RGS7: variants seen among roughly 807,000 people sequenced by gnomAD.
The protein encoded by RGS7 is regulator of G-protein signaling 7.
In RGS7, 27 loss-of-function variants were observed where a neutral mutation model predicts 81.1. The observed-to-expected ratio is 0.33, with a 90% confidence interval of 0.25 to 0.46. The LOEUF (loss-of-function observed/expected upper bound fraction) is 0.46. Ranked by LOEUF, RGS7 falls within the 20% of genes least tolerant of loss-of-function variation. The pLI is 1.00. For missense variants in RGS7, 396 were observed against 607.4 expected (o/e 0.65, Z 3.66); for synonymous variants, 208 against 207.7 (o/e 1.00, Z -0.01).
At position 240,934,050 on chromosome 1, in the gene RGS7, G is replaced by A. The variant is rs530030050; in HGVS notation, c.333+2550C>T. On this transcript the variant is annotated intron_variant, in intron 5 of 18. Coordinates refer to ENST00000440928, the MANE Select transcript of RGS7 (RefSeq NM_001364886.1). The stretch of plus-strand genomic sequence containing the variant: ...ACCATCTTGGCTCACTGCAACCTTC[G>A]CCTCCTGGGTTCAAGCAATTCTCCT... Among the ~76,000 whole-genome samples, 38 of 152,128 alleles carry A rather than the reference G, an allele frequency of 2.5e-4. No individual in the cohort carries two copies. The South Asian group carries it at 3.3e-3, about 13-fold the overall frequency.
At chr1:241,162,434 C>T (rs1295606252) in intron 2 of RGS7, among the ~76,000 whole-genome samples, 1 of 152,204 alleles carries the variant, frequency 6.6e-6, no homozygotes, top group Non-Finnish European at 1.5e-5. Flanking sequence ...ATGCGGACAG[C>T]CCGCTCCGAA....
intron 2 of RGS7, among the ~76,000 whole-genome samples, chr1:241,213,286 T>G (rs887819241): frequency 6.6e-6 from 1 of 152,206 alleles, no homozygotes; most frequent in Non-Finnish European, 1.5e-5. Context: ...AGTCATTACT[T>G]TATGTTCATC....
In RGS7 at chr1:241,048,598, T is replaced by C. The variant is rs571611988; in HGVS notation, c.175+50068A>G. Among the ~76,000 whole-genome samples, 11 of 152,342 alleles carry C rather than the reference T, an allele frequency of 7.2e-5. No homozygotes were observed. In the East Asian group the frequency reaches 1.7e-3, roughly 24 times the overall value. ...TATTAAATAAGTCTGTTTTATTTAA[T>C]AGATAAATCAGGGCTGCGATGTTCT... On this transcript the variant is annotated intron_variant, in intron 3 of 18. Transcript: ENST00000440928.
At chr1:241,060,648 T>G (rs913070546) in intron 3 of RGS7, among the ~76,000 whole-genome samples, 2 of 152,172 alleles carry the variant, frequency 1.3e-5, no homozygotes, top group African/African-American at 4.8e-5. Context: ...GACGTATCAT[T>G]GCTATAAGGT....
chr1:241,290,821 C>T (rs1573527314), intron 2 of RGS7, among the ~76,000 whole-genome samples: 2 of 152,154 alleles, frequency 1.3e-5, no homozygotes, highest in African/African-American at 4.8e-5. Flanking sequence ...CATGAAATGG[C>T]GAGACAGATT....
At chr1:241,310,591 G>C (rs888729018) in intron 2 of RGS7, among the ~76,000 whole-genome samples, 5 of 151,122 alleles carry the variant, frequency 3.3e-5, no homozygotes, top group Admixed American at 1.3e-4. Flanking sequence ...GCCCACGACA[G>C]TCACGGAAGT....
chr1:241,021,572 A>T (rs916572953), intron 3 of RGS7, among the ~76,000 whole-genome samples: 3 of 152,142 alleles, frequency 2.0e-5, no homozygotes, highest in Non-Finnish European at 4.4e-5. Flanking sequence ...AGAACCAAGT[A>T]TTTGCTGACT....
intron 2 of RGS7, among the ~76,000 whole-genome samples, chr1:241,217,048 T>C (rs1366346002): frequency 6.6e-6 from 1 of 152,212 alleles, no homozygotes; most frequent in East Asian, 1.9e-4. Flanking sequence ...AATTCATATG[T>C]TGAAGTTCTA....
chr1:240,878,331 G>C (rs1381320978), intron 6 of RGS7, among the ~76,000 whole-genome samples: 1 of 152,064 alleles, frequency 6.6e-6, no homozygotes, highest in Non-Finnish European at 1.5e-5. Context: ...ACCTCCACCA[G>C]GACAGAGGTT....
intron 2 of RGS7, among the ~76,000 whole-genome samples, chr1:241,272,079 C>T (rs190168300): frequency 1.2e-3 from 175 of 151,776 alleles, no homozygotes; most frequent in South Asian, 2.3e-3. Context: ...CTGCAACCTC[C>T]GCCTCCCGGG....
At chr1:241,113,159 T>C (rs1219255176) in intron 2 of RGS7, among the ~76,000 whole-genome samples, 1 of 152,184 alleles carries the variant, frequency 6.6e-6, no homozygotes, top group Non-Finnish European at 1.5e-5. Flanking sequence ...CACAATTTTG[T>C]TTTCCCCACG....
intron 2 of RGS7, among the ~76,000 whole-genome samples, chr1:241,327,069 G>GGAGGGGGGGAGGGAGGGGA (rs2081585208): frequency 5.0e-5 from 1 of 19,952 alleles, no homozygotes; most frequent in Non-Finnish European, 9.0e-5. Context: ...AAGAAGGAAG[G>GGAGGGGGGGAGGGAGGGGA]AAGGAAGGAA....
At chr1:241,019,734 C>T (rs1430634061) in intron 3 of RGS7, among the ~76,000 whole-genome samples, 2 of 152,190 alleles carry the variant, frequency 1.3e-5, no homozygotes, top group Non-Finnish European at 2.9e-5. Flanking sequence ...ATATGTGCCA[C>T]ATTTTCTTTA....
intron 4 of RGS7, among the ~76,000 whole-genome samples, chr1:240,968,550 A>T (rs543880587): frequency 0.081 from 882 of 10,834 alleles, 8 homozygotes; most frequent in African/African-American, 0.1. Context: ...CTGCAAAATT[A>T]AAAAAAAAAA....
intron 9 of RGS7, among the ~76,000 whole-genome samples, chr1:240,864,099 T>G (rs897851814): frequency 1.3e-5 from 2 of 152,152 alleles, no homozygotes; most frequent in African/African-American, 4.8e-5. Flanking sequence ...GCAGTCATAC[T>G]CATCCTGCTG....
At chr1:240,803,043 G>T in intron 15 of RGS7, 50 bp from the exon 16 acceptor site, 1 of 1,282,990 alleles carries the variant, frequency 7.8e-7, no homozygotes, top group Non-Finnish European at 1.1e-6. Flanking sequence ...CTTGGGAAAA[G>T]TAAAATATCA....
intron 3 of RGS7, among the ~76,000 whole-genome samples, chr1:241,020,312 A>G (rs601675): frequency 0.39 from 59,009 of 152,042 alleles, 15,602 homozygotes; most frequent in African/African-American, 0.75. Flanking sequence ...TTCTCTCAGA[A>G]TTCTGGAGTC....
rs36194238 is a variant in RGS7, at chr1:240,932,876, CTTTTTTTTTTT to C, written c.334-2119_334-2109del. Among the ~76,000 whole-genome samples the C allele has an allele frequency of 5.6e-4, 32 of 57,328 alleles. No homozygotes were observed. The East Asian group carries it at 0.015, about 27-fold the overall frequency. The allele number at this position is 57,328 out of a possible 152,430, so 37.6% of individuals were successfully genotyped here. Reference sequence around the variant, plus strand: ...GATATATTTCTACTTTGGTATCTTTCTTTTTTTTTTTTTTTTTTTTTTTTTGAGACAGAGTC... The same window carrying C: ...GATATATTTCTACTTTGGTATCTTTCTTTTTTTTTTTTTTGAGACAGAGTC... On this transcript the variant is annotated intron_variant, in intron 5 of 18. Coordinates refer to ENST00000440928, the MANE Select transcript of RGS7 (RefSeq NM_001364886.1).
intron 2 of RGS7, among the ~76,000 whole-genome samples, chr1:241,165,460 A>G (rs1012464464): frequency 6.6e-6 from 1 of 152,092 alleles, no homozygotes; most frequent in African/African-American, 2.4e-5. Flanking sequence ...ATAAAAAATG[A>G]TGAGTTCATG....
Sources: gnomAD v4.1 joint callset for allele counts (sites outside exome capture counted in the v4.1 genomes callset) on GRCh38, gnomAD v4.1.1 for gene constraint, MANE v1.5 for transcripts, NCBI Gene and HGNC (gene_info 2026-07-23, HGNC 2026-07-21) for gene names.